EDA: variants seen among roughly 807,000 people sequenced by gnomAD.
EDA encodes ectodysplasin-A.
EDA carries 2 observed loss-of-function variants against 23.6 expected under a neutral mutation model. That is an observed-to-expected ratio of 0.08 (90% CI 0.03 to 0.27). The LOEUF (loss-of-function observed/expected upper bound fraction) is 0.27, where lower values mean the gene tolerates loss of function less well. Ranked by LOEUF, EDA falls within the 10% of genes least tolerant of loss-of-function variation. EDA has a pLI of 1.00. For synonymous variants in EDA, 131 were observed against 132.0 expected (o/e 0.99, Z 0.05); for missense variants, 229 against 324.2 (o/e 0.71, Z 2.26).
At chrX:69,640,720 C>CATTT (rs1363219617) in intron 1 of EDA, among the ~76,000 whole-genome samples, 1 of 110,903 alleles carries the variant, frequency 9.0e-6, no homozygotes, top group African/African-American at 3.3e-5. Context: ...GATATTTAGG[C>CATTT]ATTTGGTAGG....
At chrX:69,737,477 T>C (rs2013303837) in intron 1 of EDA, among the ~76,000 whole-genome samples, 1 of 112,264 alleles carries the variant, frequency 8.9e-6, no homozygotes, top group South Asian at 3.7e-4. Context: ...TCACATGTAG[T>C]GTAAGAACCA....
chrX:69,635,198 T>C (rs1449019274), intron 1 of EDA, among the ~76,000 whole-genome samples: 2 of 112,014 alleles, frequency 1.8e-5, no homozygotes, highest in East Asian at 5.6e-4. Flanking sequence ...TTGCCTTCTT[T>C]TCTCTTGTTA....
intron 1 of EDA, among the ~76,000 whole-genome samples, chrX:69,813,871 G>A (rs1194833363): frequency 9.1e-6 from 1 of 109,912 alleles, no homozygotes; most frequent in East Asian, 2.8e-4. Context: ...GACCATCTGT[G>A]CTTTCAGTCC....
chrX:70,006,136 T>C (rs1490400666), intron 2 of EDA, among the ~76,000 whole-genome samples: 2 of 112,531 alleles, frequency 1.8e-5, no homozygotes, highest in Non-Finnish European at 3.7e-5. Flanking sequence ...GACATCTTAG[T>C]TGCTTCCAAT....
intron 1 of EDA, among the ~76,000 whole-genome samples, chrX:69,699,856 C>G (rs2011483703): frequency 9.1e-6 from 1 of 110,340 alleles, no homozygotes; most frequent in African/African-American, 3.3e-5. Context: ...GGTTTAAAGG[C>G]TCATGGAGAG....
At chrX:69,740,329 A>G (rs1251314210) in intron 1 of EDA, among the ~76,000 whole-genome samples, 2 of 111,644 alleles carry the variant, frequency 1.8e-5, no homozygotes, top group African/African-American at 6.5e-5. Context: ...CATGTATGCT[A>G]GCAACACATT....
intron 1 of EDA, among the ~76,000 whole-genome samples, chrX:69,854,666 C>T (rs2017207268): frequency 8.9e-6 from 1 of 112,479 alleles, no homozygotes; most frequent in African/African-American, 3.2e-5. Flanking sequence ...GCAAGTATTT[C>T]ACGGTGTATA....
chrX:69,989,936 CTTTTTT>C (rs760347264), intron 2 of EDA, among the ~76,000 whole-genome samples: 1 of 70,719 alleles, frequency 1.4e-5, no homozygotes, highest in African/African-American at 5.5e-5. Context: ...GTTAGGCTTT[CTTTTTT>C]TTTTTTTTTT....
At chrX:70,013,605 C>A (rs2019906343) in intron 2 of EDA, among the ~76,000 whole-genome samples, 1 of 111,315 alleles carries the variant, frequency 9.0e-6, no homozygotes, top group East Asian at 2.8e-4. Context: ...AGTCTCTCTT[C>A]CCAGTGAGCC....
At chrX:69,738,311 T>G (rs1373337813) in intron 1 of EDA, among the ~76,000 whole-genome samples, 2 of 109,933 alleles carry the variant, frequency 1.8e-5, no homozygotes, top group Non-Finnish European at 3.8e-5. Flanking sequence ...TCTAGTATTC[T>G]TTTAAATTTA....
chrX:69,910,773 CTT>C (rs2018255206), intron 1 of EDA, among the ~76,000 whole-genome samples: 1 of 111,077 alleles, frequency 9.0e-6, no homozygotes, highest in African/African-American at 3.3e-5. Flanking sequence ...TCAATTTTTT[CTT>C]TCTTTTTCAG....
chrX:69,800,320 TAGC>T (rs1252786235), intron 1 of EDA, among the ~76,000 whole-genome samples: 6 of 111,298 alleles, frequency 5.4e-5, no homozygotes, highest in Non-Finnish European at 1.1e-4. Flanking sequence ...TAATGTTCAG[TAGC>T]AGAGTAGGGT....
At chrX:69,701,501 A>C (rs958061745) in intron 1 of EDA, among the ~76,000 whole-genome samples, 1 of 112,032 alleles carries the variant, frequency 8.9e-6, no homozygotes, top group Non-Finnish European at 1.9e-5. Context: ...CAAGCATTTG[A>C]AACTGCCTGT....
intron 1 of EDA, among the ~76,000 whole-genome samples, chrX:69,673,210 A>G (rs1933961310): frequency 1.8e-5 from 2 of 111,685 alleles, no homozygotes; most frequent in Non-Finnish European, 3.8e-5. Flanking sequence ...TAAGCTGGAT[A>G]GGGAAGGAAG....
At chrX:69,734,990 C>A (rs1294978688) in intron 1 of EDA, among the ~76,000 whole-genome samples, 1 of 111,092 alleles carries the variant, frequency 9.0e-6, no homozygotes, top group Admixed American at 9.6e-5. Flanking sequence ...AAAAATAGAG[C>A]TACCCTATGA....
chrX:69,664,881 C>A (rs760647652), intron 1 of EDA, among the ~76,000 whole-genome samples: 1 of 111,715 alleles, frequency 9.0e-6, no homozygotes, highest in Admixed American at 9.5e-5. Context: ...TATTTAGAAA[C>A]CTCTGTATTG....
intron 1 of EDA, among the ~76,000 whole-genome samples, chrX:69,776,003 C>A (rs1015768958): frequency 1.7e-4 from 19 of 111,646 alleles, no homozygotes; most frequent in Admixed American, 9.5e-5. Context: ...TGCTTATATT[C>A]TTTAACAAAA....
chrX:69,785,539 T>C (rs1240324531), intron 1 of EDA, among the ~76,000 whole-genome samples: 1 of 110,840 alleles, frequency 9.0e-6, no homozygotes, highest in Non-Finnish European at 1.9e-5. Flanking sequence ...TTTCTGCATC[T>C]ATTGAAATAA....
intron 1 of EDA, among the ~76,000 whole-genome samples, chrX:69,898,725 T>C (rs1033479567): frequency 6.2e-5 from 7 of 112,686 alleles, no homozygotes; most frequent in African/African-American, 2.3e-4. Context: ...AAAATAAGTG[T>C]TATGTATTGA....
Sources: allele counts gnomAD v4.1 joint callset (sites outside exome capture counted in the v4.1 genomes callset), GRCh38; gene constraint gnomAD v4.1.1; transcripts MANE v1.5; gene names NCBI Gene and HGNC (gene_info 2026-07-23, HGNC 2026-07-21).